Variants in ALMS1 observed in about 807,000 individuals in gnomAD.
The protein encoded by ALMS1 is centrosome-associated protein ALMS1.
In ALMS1, 271 loss-of-function variants were observed where a neutral mutation model predicts 352.2. The ratio of observed to expected loss-of-function variants is 0.77; its 90% CI spans 0.70 to 0.85. The LOEUF is 0.85. Among genes scored for constraint, ALMS1 ranks in the 40% least tolerant of loss-of-function variants. The probability of loss-of-function intolerance (pLI) is 0.00; values close to 1 mark genes in which losing one functional copy is unlikely to be tolerated. For missense variants in ALMS1, 5,445 were observed against 4,870.7 expected, an observed-to-expected ratio of 1.12 and a Z score of -3.51; for synonymous variants, 1,865 against 1,761.2, an observed-to-expected ratio of 1.06 and a Z score of -1.48.
chr2:73,490,102 A>T lies in ALMS1; in HGVS notation c.8143A>T (p.Ile2715Phe). The T allele has an allele frequency of 6.2e-7, 1 of 1,614,152 alleles. No homozygotes were observed. The highest frequency in any genetic ancestry group is 8.5e-7 in the Non-Finnish European group (1 of 1,180,020). The change falls in exon 10 of 23, where the codon ATC becomes TTC. Residue 2715 changes from isoleucine to phenylalanine, a missense_variant. By Grantham distance (21) the Ile-to-Phe change is conservative. Transcript: ENST00000613296. ...ACCCATGAAAAAGTTTACTACCTCC[A>T]TCACTTTTTCATCTCACCGACATTC... is the stretch of plus-strand genomic sequence containing the variant. ...PEPMKKFTTS[I>F]TFSSHRHSKC...
chr2:73,494,638 A>C (rs1673065803), intron 10 of ALMS1, among the ~76,000 whole-genome samples: 1 of 152,136 alleles, frequency 6.6e-6, no homozygotes, highest in Non-Finnish European at 1.5e-5. Context: ...ATTTTGAAGA[A>C]GCTTCTTCAA....
chr2:73,563,601 T>TA (rs1674711229), intron 15 of ALMS1, among the ~76,000 whole-genome samples: 1 of 151,454 alleles, frequency 6.6e-6, no homozygotes, highest in East Asian at 1.9e-4. Context: ...CAGGCGCCTG[T>TA]AGTCCCAGCT....
chr2:73,491,225 C>T lies in ALMS1; in HGVS notation c.9266C>T (p.Thr3089Ile), dbSNP rs1410061928. 6.8e-6 allele frequency: 11 copies of T among 1,614,114 alleles called. No homozygotes were observed. The African/African-American group carries it at 9.3e-5, about 14-fold the overall frequency. ...AGTGAGTTTAACTTTGACTTACATA[C>T]TGTATCTTCGAGATCACTGGAACCA... Reference protein sequence around the residue: ...MNSEFNFDLHTVSSRSLEPTS... With the variant: ...MNSEFNFDLHIVSSRSLEPTS... The change falls in exon 10 of 23, where the codon ACT becomes ATT. Residue 3089 changes from threonine to isoleucine, a missense_variant. By Grantham distance (89) the Thr-to-Ile change is moderately conservative (BLOSUM62 -1). Transcript: ENST00000613296.
intron 9 of ALMS1, among the ~76,000 whole-genome samples, chr2:73,486,053 G>A (rs149276105): frequency 0.011 from 1,686 of 152,142 alleles, 32 homozygotes; most frequent in African/African-American, 0.038. Context: ...CACGCTGGGA[G>A]CTGTAGACCG....
At chr2:73,497,004 GTCT>G (rs1007144996) in intron 10 of ALMS1, among the ~76,000 whole-genome samples, 3 of 152,194 alleles carry the variant, frequency 2.0e-5, no homozygotes, top group South Asian at 2.1e-4. Flanking sequence ...TATGCGACTT[GTCT>G]TCTTATCCTC....
Position 73,491,472 on chromosome 2 carries a change from A to T in ALMS1, c.9513A>T (p.Pro3171=). 1 of 1,614,088 alleles carries T rather than the reference A, an allele frequency of 6.2e-7. No homozygotes were observed. Among genetic ancestry groups the T allele is most frequent in the Non-Finnish European group, 8.5e-7 (1 of 1,180,002 alleles). Residue 3171 remains proline (P), a synonymous_variant, in exon 10 of 23, where the codon CCA becomes CCT. Coordinates refer to ENST00000613296, the MANE Select transcript of ALMS1 (RefSeq NM_001378454.1). ...NISDFEGHSN[P]EGTPVFADRL... ...CAGATTTCGAAGGACATTCCAATCC[A>T]GAGGGGACCCCAGTATTTGCAGATC... is the stretch of plus-strand genomic sequence containing the variant.
At chr2:73,468,027 CAT>C (rs1317639305) in intron 9 of ALMS1, among the ~76,000 whole-genome samples, 1 of 151,858 alleles carries the variant, frequency 6.6e-6, no homozygotes, top group East Asian at 1.9e-4. Context: ...GCTGTCATCA[CAT>C]ATAAAAAATA....
chr2:73,455,778 C>A (rs143920847), intron 9 of ALMS1, among the ~76,000 whole-genome samples: 1 of 152,030 alleles, frequency 6.6e-6, no homozygotes, highest in African/African-American at 2.4e-5. Context: ...TTATTGATTC[C>A]AAATTCATAT....
In ALMS1 at chr2:73,385,903, T is replaced by TGTA; in HGVS notation, c.36_37insTAG (p.Leu12_Glu13insTer). On this transcript the variant is annotated stop_gained and inframe_insertion, in exon 1 of 23. Coordinates refer to ENST00000613296, the MANE Select transcript of ALMS1 (RefSeq NM_001378454.1). LOFTEE classifies it high-confidence loss of function. ...GAGGATCTGCCATGGCCGGGCGAGC[T>TGTA]GGAGGAGGAGGAGGAGGAGGAGGAG... 1 of 700,560 alleles carries TGTA rather than the reference T, an allele frequency of 1.4e-6. No homozygotes were observed. Among genetic ancestry groups the TGTA allele is most frequent in the Non-Finnish European group, 2.5e-6 (1 of 401,610 alleles). 43.4% of individuals were successfully genotyped at this position (700,560 alleles called of 1,614,324 possible). A position where few individuals can be genotyped will look rare whatever the true frequency, so the allele number is the denominator to read the frequency against.
intron 1 of ALMS1, among the ~76,000 whole-genome samples, chr2:73,387,540 A>C (rs1670564074): frequency 6.6e-6 from 1 of 151,900 alleles, no homozygotes; most frequent in Non-Finnish European, 1.5e-5. Context: ...ACACATGAAA[A>C]GGTACTGTTG....
At chr2:73,541,663 C>G (rs1674185316) in intron 12 of ALMS1, among the ~76,000 whole-genome samples, 2 of 151,934 alleles carry the variant, frequency 1.3e-5, no homozygotes, top group South Asian at 4.1e-4. Context: ...CAAATAGACG[C>G]AATAAAAAAT....
intron 7 of ALMS1, among the ~76,000 whole-genome samples, chr2:73,447,741 G>A (rs1671834836): frequency 6.6e-6 from 1 of 151,102 alleles, no homozygotes; most frequent in African/African-American, 2.5e-5. Flanking sequence ...TGGATATACT[G>A]TTGTTTATAA....
chr2:73,608,366 A>G (rs1295188654), intron 21 of ALMS1, 109 bp from the exon 22 acceptor site: 9 of 874,924 alleles, frequency 1.0e-5, no homozygotes, highest in Non-Finnish European at 1.7e-5. Context: ...GAGAGGGATG[A>G]GCTCCTGGAG....
Position 73,559,092 on chromosome 2 carries a change from C to T in ALMS1, c.10334C>T (p.Pro3445Leu), listed in dbSNP as rs1170663588. Residue 3445 changes from proline to leucine, a missense_variant, in exon 15 of 23, where the codon CCC becomes CTC. Physicochemically the swap from Pro to Leu is moderately conservative, Grantham distance 98. Transcript: ENST00000613296. ...GAGATCCATAGGAAGAAGACAGTTC[C>T]CGAGGAAGCCTGGCCAAACAATAAA... ...KEEIHRKKTV[P>L]EEAWPNNKES... 6 of 1,613,720 alleles carry T rather than the reference C, an allele frequency of 3.7e-6. No individual in the cohort carries two copies. Among genetic ancestry groups the T allele is most frequent in the Non-Finnish European group, 5.1e-6 (6 of 1,179,926 alleles).
chr2:73,431,335 A>G (rs1039311990), intron 6 of ALMS1, among the ~76,000 whole-genome samples: 1 of 152,232 alleles, frequency 6.6e-6, no homozygotes, highest in South Asian at 2.1e-4. Flanking sequence ...TCATTACTAC[A>G]CAATGAAAAA....
rs148253926 is a variant in ALMS1, at chr2:73,495,353, G to A, written c.9539+3855G>A. Among the ~76,000 whole-genome samples the A allele has an allele frequency of 5.4e-3, 820 of 152,198 alleles. 10 individuals are homozygous for A. The highest frequency in any genetic ancestry group is 0.018 in the African/African-American group (733 of 41,510). ...GGGTTCAAGCAATTCACCTGCCTCA[G>A]CCTCCAGAGTAGCTGGGATTACAGG... On this transcript the variant is annotated intron_variant, in intron 10 of 22. Coordinates refer to ENST00000613296, the MANE Select transcript of ALMS1 (RefSeq NM_001378454.1).
intron 16 of ALMS1, among the ~76,000 whole-genome samples, chr2:73,580,223 C>T (rs1675145457): frequency 6.6e-6 from 1 of 152,152 alleles, no homozygotes; most frequent in African/African-American, 2.4e-5. Context: ...GACTACAAGG[C>T]ATGCACCACC....
In ALMS1 at chr2:73,581,734, T is replaced by A. The variant is rs184531372; in HGVS notation, c.11547+8310T>A. 2.6e-4 allele frequency among the ~76,000 whole-genome samples: 39 copies of A among 151,866 alleles called. 1 individual carries two copies. Among genetic ancestry groups the A allele is most frequent in the Admixed American group, 2.4e-3 (37 of 15,232 alleles). On this transcript the variant is annotated intron_variant, in intron 16 of 22. Coordinates refer to ENST00000613296, the MANE Select transcript of ALMS1 (RefSeq NM_001378454.1). ...CCTCTGACCATCAAAATAACTAGAGTGACATCAATTATTTTTTCTTTTTTT... is the reference window on the plus strand; with the variant it reads ...CCTCTGACCATCAAAATAACTAGAGAGACATCAATTATTTTTTCTTTTTTT...
intron 9 of ALMS1, among the ~76,000 whole-genome samples, chr2:73,483,478 G>C (rs1393611419): frequency 6.6e-6 from 1 of 151,892 alleles, no homozygotes; most frequent in Non-Finnish European, 1.5e-5. Flanking sequence ...TTGTTGAGGA[G>C]AGCTTTAGTT....
Sources: allele counts gnomAD v4.1 joint callset (sites outside exome capture counted in the v4.1 genomes callset), GRCh38; gene constraint gnomAD v4.1.1; transcripts MANE v1.5; gene names NCBI Gene and HGNC (gene_info 2026-07-23, HGNC 2026-07-21).